The following SMG6 variants were observed in gnomAD, a reference collection of about 807,000 sequenced individuals.
The protein encoded by SMG6 is telomerase-binding protein EST1A.
Under a neutral mutation model 142.2 loss-of-function variants are expected in SMG6, and 66 were observed. The ratio of observed to expected loss-of-function variants is 0.46; its 90% CI spans 0.38 to 0.57. The LOEUF (loss-of-function observed/expected upper bound fraction) is 0.57, where lower values mean the gene tolerates loss of function less well. Ranked by LOEUF, SMG6 falls within the 20% of genes least tolerant of loss-of-function variation. The probability of loss-of-function intolerance (pLI) is 0.00; values close to 1 mark genes in which losing one functional copy is unlikely to be tolerated. For synonymous variants in SMG6, 779 were observed against 702.4 expected, an observed-to-expected ratio of 1.11 and a Z score of -1.72; for missense variants, 1,793 against 1,832.0, an observed-to-expected ratio of 0.98 and a Z score of 0.39.
intron 12 of SMG6, among the ~76,000 whole-genome samples, chr17:2,173,663 C>T (rs962578942): frequency 2.0e-5 from 3 of 152,128 alleles, no homozygotes; most frequent in Non-Finnish European, 4.4e-5. Flanking sequence ...GTCCTAATTG[C>T]GTATCACCAG....
intron 12 of SMG6, among the ~76,000 whole-genome samples, chr17:2,178,141 T>A (rs1014530525): frequency 6.6e-6 from 1 of 152,212 alleles, no homozygotes; most frequent in Non-Finnish European, 1.5e-5. Flanking sequence ...CCAACTCTGT[T>A]TGCATTGGGC....
At chr17:2,226,004 C>A (rs2073304913) in intron 10 of SMG6, among the ~76,000 whole-genome samples, 1 of 152,132 alleles carries the variant, frequency 6.6e-6, no homozygotes, top group Non-Finnish European at 1.5e-5. Context: ...TAAAGACAAA[C>A]AACTTGATAA....
At position 2,060,450 on chromosome 17, in the gene SMG6, G is replaced by C. The variant is rs145942290; in HGVS notation, c.*1042C>G. 1 of 152,316 alleles carries C rather than the reference G, an allele frequency of 6.6e-6. No homozygotes were observed. Among genetic ancestry groups the C allele is most frequent in the Admixed American group, 6.5e-5 (1 of 15,288 alleles). 9.4% of individuals were successfully genotyped at this position (152,316 alleles called of 1,614,324 possible). Reference sequence around the variant, plus strand: ...GGAAGTTTCTCCCAGCACAGGAGCCGAGGGTGGAAGGCCCTGGGTGGGAGA... The same window carrying C: ...GGAAGTTTCTCCCAGCACAGGAGCCCAGGGTGGAAGGCCCTGGGTGGGAGA... On this transcript the variant is annotated 3_prime_UTR_variant, in exon 19 of 19. Transcript: ENST00000263073.
Position 2,298,587 on chromosome 17 carries a change from A to G in SMG6, c.1847+319T>C, listed in dbSNP as rs571751714. On this transcript the variant is annotated intron_variant, in intron 2 of 18. Transcript: ENST00000263073. The stretch of plus-strand genomic sequence containing the variant: ...CAAAAAATTAGCCGGGTGTGGTGGC[A>G]GGCGCCTGTAGTCCCAGCTACTTGG... 2.9e-4 allele frequency among the ~76,000 whole-genome samples: 44 copies of G among 152,022 alleles called. 2 individuals are homozygous for G. The highest frequency in any genetic ancestry group is 9.9e-4 in the African/African-American group (41 of 41,482).
chr17:2,167,581 A>G (rs1476113181), intron 13 of SMG6, among the ~76,000 whole-genome samples: 1 of 152,112 alleles, frequency 6.6e-6, no homozygotes, highest in Non-Finnish European at 1.5e-5. Flanking sequence ...AAACTCAAGA[A>G]CTCTTCAAAT....
intron 13 of SMG6, among the ~76,000 whole-genome samples, chr17:2,118,983 C>T (rs2069594708): frequency 6.6e-6 from 1 of 151,142 alleles, no homozygotes. Flanking sequence ...TCACTGCAAC[C>T]TCCGTCTCCC....
chr17:2,172,759 G>C lies in SMG6; in HGVS notation c.3256C>G (p.Leu1086Val). Residue 1086 changes from leucine (L) to valine (V), a missense_variant, in exon 13 of 19, where the codon CTC becomes GTC. Leu to Val is a conservative substitution (Grantham distance 32). This residue lies in a region of SMG6 where 1,597 missense variants were observed against 1,584.6 expected (regional missense o/e 1.01). Coordinates refer to ENST00000263073, the MANE Select transcript of SMG6 (RefSeq NM_017575.5). ...TCCTCTTCCAGGATAAGAAGGGTGA[G>C]GTCATCATCCGGGTCCTTGTACAGT... is the stretch of plus-strand genomic sequence containing the variant. ...VPLYKDPDDD[L>V]TLLILEEDRL... is the part of the protein sequence containing the mutation. The C allele has an allele frequency of 1.2e-6, 2 of 1,614,150 alleles. No homozygotes were observed. The highest frequency in any genetic ancestry group is 1.7e-6 in the Non-Finnish European group (2 of 1,180,022).
chr17:2,218,474 G>T (rs2073081717), intron 10 of SMG6, among the ~76,000 whole-genome samples: 1 of 151,976 alleles, frequency 6.6e-6, no homozygotes, highest in Non-Finnish European at 1.5e-5. Flanking sequence ...GTGGACCCAG[G>T]GGCAGAGCTT....
rs1430593980 is a variant in SMG6 at position 2,127,468 on chromosome 17, G to C, written c.3358-41567C>G. 4 of 841,058 alleles carry C rather than the reference G, an allele frequency of 4.8e-6. No individual in the cohort carries two copies. The Admixed American group carries it at 7.2e-5, about 15-fold the overall frequency. The allele number at this position is 841,058 out of a possible 1,614,324, so 52.1% of individuals were successfully genotyped here. A position where few individuals can be genotyped will look rare whatever the true frequency, so the allele number is the denominator to read the frequency against. On this transcript the variant is annotated intron_variant, in intron 13 of 18. Transcript: ENST00000263073. ...AAATCCCAGAGCTACTGTTAGGCAC[G>C]TAAATATAGACCCTGCTAAATATTT... is the stretch of plus-strand genomic sequence containing the variant.
In SMG6 at chr17:2,068,814, C is replaced by G. The variant is rs2068018247; in HGVS notation, c.3799G>C (p.Glu1267Gln). 6.2e-7 allele frequency: 1 copy of G among 1,614,212 alleles called. No homozygotes were observed. Among genetic ancestry groups the G allele is most frequent in the South Asian group, 1.1e-5 (1 of 91,084 alleles). The part of the protein sequence containing the change: ...DHLASLARLL[E>Q]SRKYILVVPL... Reference sequence around the variant, plus strand: ...ACCACCAGGATGTACTTCCTGCTCTCCAGCAGCCGCGCCAGACTGGCCAGG... The same window carrying G: ...ACCACCAGGATGTACTTCCTGCTCTGCAGCAGCCGCGCCAGACTGGCCAGG... Residue 1267 changes from glutamate to glutamine, a missense_variant, in exon 16 of 19, where the codon GAG becomes CAG. Glu to Gln is a conservative substitution (Grantham distance 29). Around this residue, in one of 3 missense-constraint regions of SMG6, gnomAD observed 179 missense variants for 212.6 expected, o/e 0.84. Transcript: ENST00000263073. This position sits in a 1 kb window ranked among gnomAD's most constrained non-coding sequence, Gnocchi z 6.7.
chr17:2,197,399 A>T (rs1046547582), intron 10 of SMG6, among the ~76,000 whole-genome samples: 1 of 136,882 alleles, frequency 7.3e-6, no homozygotes, highest in Non-Finnish European at 1.5e-5. Flanking sequence ...CTGTGTCTCT[A>T]AAAAAAAAAA....
At chr17:2,104,076 C>T (rs906815318) in intron 13 of SMG6, among the ~76,000 whole-genome samples, 5 of 151,944 alleles carry the variant, frequency 3.3e-5, no homozygotes, top group East Asian at 1.9e-4. Flanking sequence ...CTCAGCCTCC[C>T]GAGTAGCTGG....
At chr17:2,255,264 C>G (rs1017698297) in intron 8 of SMG6, among the ~76,000 whole-genome samples, 1 of 150,704 alleles carries the variant, frequency 6.6e-6, no homozygotes, top group Non-Finnish European at 1.5e-5. Context: ...ATTAGCCGGG[C>G]GTGGTGGCGG....
chr17:2,121,583 CTG>C (rs1173330822), intron 13 of SMG6, among the ~76,000 whole-genome samples: 3 of 118,294 alleles, frequency 2.5e-5, no homozygotes, highest in South Asian at 5.8e-4. Context: ...ATGTACATGT[CTG>C]TCTGTGTGTG....
chr17:2,089,337 A>G (rs1467353653), intron 13 of SMG6, among the ~76,000 whole-genome samples: 1 of 152,070 alleles, frequency 6.6e-6, no homozygotes, highest in African/African-American at 2.4e-5. Context: ...AGAGGCGACT[A>G]AAAGGGCCGC....
chr17:2,163,166 C>T (rs2071233515), intron 13 of SMG6, among the ~76,000 whole-genome samples: 1 of 151,966 alleles, frequency 6.6e-6, no homozygotes, highest in East Asian at 1.9e-4. Context: ...TCTAAATGAA[C>T]ATTTATTTTG....
At chr17:2,280,490 C>T (rs216187) in intron 8 of SMG6, 155,932 of 572,504 alleles carry the variant, frequency 0.27, 22,498 homozygotes, top group East Asian at 0.59. Flanking sequence ...GTCTCGAACT[C>T]CTGACCTTGT....
intron 8 of SMG6, among the ~76,000 whole-genome samples, chr17:2,271,135 G>A (rs748423043): frequency 5.0e-5 from 4 of 79,490 alleles, no homozygotes; most frequent in Admixed American, 1.5e-4. Flanking sequence ...TTTTTTTTTT[G>A]AGACAGTCTC....
chr17:2,228,332 G>A (rs112507184), intron 10 of SMG6, among the ~76,000 whole-genome samples: 1 of 152,132 alleles, frequency 6.6e-6, no homozygotes, highest in African/African-American at 2.4e-5. Context: ...AGGTTCAAGC[G>A]ATTCTCCTGC....
Sources: gnomAD v4.1 joint callset for allele counts (sites outside exome capture counted in the v4.1 genomes callset) on GRCh38, gnomAD v4.1.1 for gene constraint, gnomAD v4.1.1 regional missense constraint, Gnocchi (gnomAD v3.1) non-coding constraint, MANE v1.5 for transcripts, NCBI Gene and HGNC (gene_info 2026-07-23, HGNC 2026-07-21) for gene names.